The following APP variants were observed in gnomAD, a reference collection of about 807,000 sequenced individuals.
APP encodes amyloid beta precursor protein, also known as amyloid-beta precursor protein.
In APP, 31 loss-of-function variants were observed where a neutral mutation model predicts 101.4. The observed-to-expected ratio is 0.31, with a 90% confidence interval of 0.23 to 0.41. The LOEUF (loss-of-function observed/expected upper bound fraction) is 0.41, where lower values mean the gene tolerates loss of function less well. Ranked by LOEUF, APP falls within the 10% of genes least tolerant of loss-of-function variation. The probability of loss-of-function intolerance (pLI) is 1.00; values close to 1 mark genes in which losing one functional copy is unlikely to be tolerated. For synonymous variants in APP, 366 were observed against 364.4 expected (o/e 1.00, Z -0.05); for missense variants, 839 against 1,003.7 (o/e 0.84, Z 2.22).
intron 1 of APP, among the ~76,000 whole-genome samples, chr21:26,154,486 G>C (rs1360870714): frequency 6.6e-6 from 1 of 152,148 alleles, no homozygotes; most frequent in Admixed American, 6.5e-5. Flanking sequence ...AGTCCACAGA[G>C]AGGTTGAAGA....
At position 25,905,162 on chromosome 21, in the gene APP, G is replaced by GA. The variant is rs1569035530; in HGVS notation, c.1910-86dup. ...TGGCTCCCAAACATAGTCGAGCAGGGAAAAAAGCATATGCAATAAACAAGT... is the reference window on the plus strand; with the variant it reads ...TGGCTCCCAAACATAGTCGAGCAGGGAAAAAAAGCATATGCAATAAACAAGT... On this transcript the variant is annotated intron_variant, in intron 14 of 17. Transcript: ENST00000346798. 5 of 1,166,056 alleles carry GA rather than the reference G, an allele frequency of 4.3e-6. No individual in the cohort carries two copies. The African/African-American group carries it at 6.1e-5, about 14-fold the overall frequency. 72.2% of individuals were successfully genotyped at this position (1,166,056 alleles called of 1,614,324 possible). A position where few individuals can be genotyped will look rare whatever the true frequency, so the allele number is the denominator to read the frequency against.
At chr21:26,088,448 T>A (rs1306891603) in intron 3 of APP, among the ~76,000 whole-genome samples, 1 of 152,212 alleles carries the variant, frequency 6.6e-6, no homozygotes, top group Non-Finnish European at 1.5e-5. Flanking sequence ...TGAGCTTACA[T>A]TCTAATGAAA....
chr21:26,015,543 G>A (rs533848502), intron 6 of APP, among the ~76,000 whole-genome samples: 7 of 152,092 alleles, frequency 4.6e-5, no homozygotes, highest in Non-Finnish European at 1.0e-4. Context: ...GATGGTAAGC[G>A]TTTAACATAA....
intron 7 of APP, 126 bp downstream of exon 7, chr21:25,999,889 C>T (rs1463733380): frequency 2.8e-6 from 3 of 1,090,648 alleles, no homozygotes; most frequent in Non-Finnish European, 4.1e-6. Context: ...GAGAAGTGGA[C>T]AGAAATGTGG....
chr21:26,025,513 A>G (rs765932134), intron 5 of APP, among the ~76,000 whole-genome samples: 6 of 152,190 alleles, frequency 3.9e-5, no homozygotes, highest in Admixed American at 6.5e-5. Context: ...TCCAGGTGGG[A>G]TGGTGAAAAC....
intron 1 of APP, among the ~76,000 whole-genome samples, chr21:26,143,869 C>T (rs2063101040): frequency 6.6e-6 from 1 of 152,196 alleles, no homozygotes; most frequent in African/African-American, 2.4e-5. Context: ...TGGATTTCAA[C>T]CTCACCCCTA....
intron 2 of APP, among the ~76,000 whole-genome samples, chr21:26,098,081 GAAAAAA>G (rs757879199): frequency 4.2e-4 from 23 of 54,378 alleles, no homozygotes; most frequent in African/African-American, 1.2e-3. Flanking sequence ...CTCTGTCTCA[GAAAAAA>G]AAAAAAAAAA....
At chr21:26,085,602 T>C (rs2061687893) in intron 3 of APP, among the ~76,000 whole-genome samples, 1 of 152,208 alleles carries the variant, frequency 6.6e-6, no homozygotes, top group Non-Finnish European at 1.5e-5. Flanking sequence ...TTTGGTGAAC[T>C]CTCATGTGAC....
At chr21:26,072,434 C>T (rs1413050187) in intron 3 of APP, among the ~76,000 whole-genome samples, 1 of 152,074 alleles carries the variant, frequency 6.6e-6, no homozygotes, top group Non-Finnish European at 1.5e-5. Context: ...GAGACCACAT[C>T]TGTTTTTTTA....
At chr21:25,915,485 T>C (rs939901898) in intron 13 of APP, among the ~76,000 whole-genome samples, 1 of 152,246 alleles carries the variant, frequency 6.6e-6, no homozygotes, top group Non-Finnish European at 1.5e-5. Context: ...GTTCAGCCCC[T>C]ATCTATTTCA....
In APP at chr21:25,905,167, A is replaced by G. The variant is rs1016212888; in HGVS notation, c.1910-90T>C. 6 of 1,060,564 alleles carry G rather than the reference A, an allele frequency of 5.7e-6. No homozygotes were observed. The African/African-American group carries it at 9.4e-5, about 17-fold the overall frequency. 65.7% of individuals were successfully genotyped at this position (1,060,564 alleles called of 1,614,324 possible). A position where few individuals can be genotyped will look rare whatever the true frequency, so the allele number is the denominator to read the frequency against. On this transcript the variant is annotated intron_variant, in intron 14 of 17. Coordinates refer to ENST00000346798, the MANE Select transcript of APP (RefSeq NM_000484.4). ...CCCAAACATAGTCGAGCAGGGAAAA[A>G]AGCATATGCAATAAACAAGTTACAA...
chr21:26,117,056 G>GT (rs2062451373), intron 1 of APP, among the ~76,000 whole-genome samples: 1 of 152,078 alleles, frequency 6.6e-6, no homozygotes, highest in Non-Finnish European at 1.5e-5. Context: ...GATAATTTTT[G>GT]TATTTTTAGT....
At chr21:26,000,767 C>T (rs2043257476) in intron 6 of APP, among the ~76,000 whole-genome samples, 1 of 151,898 alleles carries the variant, frequency 6.6e-6, no homozygotes. Flanking sequence ...AACTTAAGAC[C>T]ATTCATTTGT....
intron 13 of APP, among the ~76,000 whole-genome samples, chr21:25,912,527 C>G (rs917880741): frequency 6.6e-6 from 1 of 152,218 alleles, no homozygotes; most frequent in Non-Finnish European, 1.5e-5. Context: ...CTAAATGCTC[C>G]TCTTGTGCTG....
chr21:25,928,289 C>G lies in APP; in HGVS notation c.1688-16327G>C, dbSNP rs146670545. 2.9e-3 allele frequency among the ~76,000 whole-genome samples: 437 copies of G among 152,222 alleles called. 1 individual carries two copies. Among genetic ancestry groups the G allele is most frequent in the African/African-American group, 0.01 (421 of 41,520 alleles). On this transcript the variant is annotated intron_variant, in intron 13 of 17. Transcript: ENST00000346798. Reference sequence around the variant, plus strand: ...CCTGGGAGGCGGAGCTTGCAGCGAGCCAAGATTGTGCCACTGCACTCCAGC... The same window carrying G: ...CCTGGGAGGCGGAGCTTGCAGCGAGGCAAGATTGTGCCACTGCACTCCAGC...
chr21:25,971,855 C>G (rs999699184), intron 11 of APP, among the ~76,000 whole-genome samples: 1 of 152,162 alleles, frequency 6.6e-6, no homozygotes, highest in South Asian at 2.1e-4. Context: ...TCTATCCCAC[C>G]TAACAAATCT....
At chr21:25,934,936 T>G (rs1358423350) in intron 13 of APP, 2 of 152,266 alleles carry the variant, frequency 1.3e-5, no homozygotes, top group African/African-American at 4.8e-5. Context: ...TGACCACCAA[T>G]GGCTGCATGA....
intron 13 of APP, among the ~76,000 whole-genome samples, chr21:25,932,526 A>T (rs945861039): frequency 1.3e-5 from 2 of 152,138 alleles, no homozygotes; most frequent in African/African-American, 4.8e-5. Context: ...AGAGGATCTC[A>T]CAACAATCTC....
intron 1 of APP, among the ~76,000 whole-genome samples, chr21:26,151,831 G>C (rs146949517): frequency 3.3e-5 from 5 of 152,098 alleles, no homozygotes; most frequent in African/African-American, 7.2e-5. Context: ...GCCACAGACC[G>C]GTACCAGTCC....
Sources: gnomAD v4.1 joint callset for allele counts (sites outside exome capture counted in the v4.1 genomes callset) on GRCh38, gnomAD v4.1.1 for gene constraint, MANE v1.5 for transcripts, NCBI Gene and HGNC (gene_info 2026-07-23, HGNC 2026-07-21) for gene names.